LDLRAD3: variants seen among roughly 807,000 people sequenced by gnomAD.
The protein encoded by LDLRAD3 is low-density lipoprotein receptor class A domain-containing protein 3.
In LDLRAD3, 20 loss-of-function variants were observed where a neutral mutation model predicts 29.4. That is an observed-to-expected ratio of 0.68 (90% confidence interval 0.48 to 0.99). The LOEUF (loss-of-function observed/expected upper bound fraction) is 0.99, where lower values mean the gene tolerates loss of function less well. Ranked by LOEUF, LDLRAD3 falls within the 50% of genes least tolerant of loss-of-function variation. The probability of loss-of-function intolerance (pLI) is 0.00; values close to 1 mark genes in which losing one functional copy is unlikely to be tolerated. For synonymous variants in LDLRAD3, 157 were observed against 192.7 expected, an observed-to-expected ratio of 0.81 and a Z score of 1.53; for missense variants, 420 against 454.3, an observed-to-expected ratio of 0.92 and a Z score of 0.69.
In LDLRAD3 at chr11:36,051,192, G is replaced by A. The variant is rs983701952; in HGVS notation, c.193+14943G>A. 2.6e-5 allele frequency among the ~76,000 whole-genome samples: 4 copies of A among 152,332 alleles called. No homozygotes were observed. The East Asian group carries it at 7.7e-4, about 29-fold the overall frequency. ...GAAAGAAGAGGATGCTGCATATTTA[G>A]GCCTGCTTATGGTGATTCCTATGGC... is the stretch of plus-strand genomic sequence containing the variant. On this transcript the variant is annotated intron_variant, in intron 2 of 5. Coordinates refer to ENST00000315571, the MANE Select transcript of LDLRAD3 (RefSeq NM_174902.4).
intron 4 of LDLRAD3, among the ~76,000 whole-genome samples, chr11:36,190,320 C>A (rs1854922124): frequency 1.3e-5 from 2 of 152,120 alleles, no homozygotes; most frequent in African/African-American, 4.8e-5. Context: ...CATAGTGAGA[C>A]CCCATCTTCA....
intron 4 of LDLRAD3, among the ~76,000 whole-genome samples, chr11:36,215,331 G>C (rs1025018850): frequency 1.3e-5 from 2 of 152,224 alleles, no homozygotes; most frequent in Non-Finnish European, 2.9e-5. Flanking sequence ...CCACTGGAAG[G>C]TTTTGAGCTG....
At chr11:35,981,159 C>T (rs1472046405) in intron 1 of LDLRAD3, among the ~76,000 whole-genome samples, 1 of 139,752 alleles carries the variant, frequency 7.2e-6, no homozygotes, top group South Asian at 2.3e-4. Context: ...TAAATGCTCA[C>T]GTCATTAGGC....
intron 4 of LDLRAD3, among the ~76,000 whole-genome samples, chr11:36,122,779 G>A (rs1223610893): frequency 6.6e-6 from 1 of 152,106 alleles, no homozygotes; most frequent in Non-Finnish European, 1.5e-5. Context: ...AGCACTTTGG[G>A]AGGGCATGGC....
At chr11:36,157,089 A>G (rs1340928899) in intron 4 of LDLRAD3, among the ~76,000 whole-genome samples, 1 of 150,902 alleles carries the variant, frequency 6.6e-6, no homozygotes, top group East Asian at 1.9e-4. Context: ...TAGGCAATTT[A>G]AACAATTCTA....
intron 4 of LDLRAD3, among the ~76,000 whole-genome samples, chr11:36,104,742 C>T (rs566190258): frequency 1.6e-4 from 24 of 152,186 alleles, no homozygotes; most frequent in African/African-American, 5.5e-4. Context: ...TGGTCTAGTC[C>T]GCACAGGGAG....
chr11:36,202,624 A>G (rs1398622557), intron 4 of LDLRAD3, among the ~76,000 whole-genome samples: 3 of 152,208 alleles, frequency 2.0e-5, no homozygotes, highest in African/African-American at 7.2e-5. Flanking sequence ...CTTGAGAAAA[A>G]GAAGGAAATT....
At chr11:35,982,717 G>A (rs1160452528) in intron 1 of LDLRAD3, among the ~76,000 whole-genome samples, 1 of 152,076 alleles carries the variant, frequency 6.6e-6, no homozygotes, top group Non-Finnish European at 1.5e-5. Context: ...TTGTTGTGCA[G>A]CTTGAAGACA....
intron 1 of LDLRAD3, among the ~76,000 whole-genome samples, chr11:36,017,571 C>T (rs1211670931): frequency 1.3e-5 from 2 of 149,458 alleles, no homozygotes; most frequent in Non-Finnish European, 3.0e-5. Context: ...CTCTGTTCTC[C>T]AGGCTGGAGT....
intron 4 of LDLRAD3, among the ~76,000 whole-genome samples, chr11:36,160,586 G>A (rs1590320111): frequency 1.3e-5 from 2 of 152,018 alleles, no homozygotes; most frequent in Admixed American, 6.6e-5. Flanking sequence ...TTGGCCCATC[G>A]TTCAACCCAG....
intron 1 of LDLRAD3, among the ~76,000 whole-genome samples, chr11:35,990,444 A>C (rs1315043726): frequency 6.6e-6 from 1 of 151,478 alleles, no homozygotes; most frequent in Non-Finnish European, 1.5e-5. Context: ...TTGAGATGGA[A>C]TCTCGCTCTG....
intron 4 of LDLRAD3, among the ~76,000 whole-genome samples, chr11:36,163,747 GA>G (rs1214528976): frequency 6.6e-6 from 1 of 152,096 alleles, no homozygotes; most frequent in Non-Finnish European, 1.5e-5. Flanking sequence ...GAGAGAAAGG[GA>G]AAAGGGGAGG....
At chr11:36,033,908 T>G (rs1046127208) in intron 1 of LDLRAD3, among the ~76,000 whole-genome samples, 1 of 152,316 alleles carries the variant, frequency 6.6e-6, no homozygotes, top group South Asian at 2.1e-4. Flanking sequence ...TGGCTGACTT[T>G]GCACTACAAT....
intron 4 of LDLRAD3, among the ~76,000 whole-genome samples, chr11:36,118,184 T>C (rs907889469): frequency 2.6e-5 from 4 of 152,110 alleles, no homozygotes; most frequent in African/African-American, 9.7e-5. Flanking sequence ...CAGATACCAA[T>C]AGTACTCTGG....
intron 4 of LDLRAD3, among the ~76,000 whole-genome samples, chr11:36,106,192 T>A (rs1159165729): frequency 6.6e-6 from 1 of 152,166 alleles, no homozygotes; most frequent in African/African-American, 2.4e-5. Context: ...CCATGCTTGG[T>A]TAGGAGGACA....
chr11:36,145,901 CA>C (rs1854184966), intron 4 of LDLRAD3, among the ~76,000 whole-genome samples: 1 of 151,694 alleles, frequency 6.6e-6, no homozygotes, highest in African/African-American at 2.4e-5. Context: ...CTAGGAAAAC[CA>C]GAGACCTTTG....
chr11:35,991,846 G>T (rs1851693834), intron 1 of LDLRAD3, among the ~76,000 whole-genome samples: 2 of 145,692 alleles, frequency 1.4e-5, no homozygotes, highest in Admixed American at 1.4e-4. Context: ...ATGCAGAGCA[G>T]TTCATAAATT....
intron 1 of LDLRAD3, among the ~76,000 whole-genome samples, chr11:36,003,512 T>C (rs565511672): frequency 1.3e-5 from 2 of 152,294 alleles, no homozygotes; most frequent in Admixed American, 1.3e-4. Flanking sequence ...ACATCCTGTC[T>C]CTTGGAAGGG....
At chr11:36,123,935 G>T (rs921116937) in intron 4 of LDLRAD3, among the ~76,000 whole-genome samples, 1 of 152,228 alleles carries the variant, frequency 6.6e-6, no homozygotes, top group Non-Finnish European at 1.5e-5. Context: ...CAAAATTACC[G>T]TAAGTCAGCG....
Sources: allele counts gnomAD v4.1 joint callset (sites outside exome capture counted in the v4.1 genomes callset), GRCh38; gene constraint gnomAD v4.1.1; transcripts MANE v1.5; gene names NCBI Gene and HGNC (gene_info 2026-07-23, HGNC 2026-07-21).